Variants in NR5A2 observed in about 807,000 individuals in gnomAD.
The protein encoded by NR5A2 is nuclear receptor subfamily 5 group A member 2.
In NR5A2, 26 loss-of-function variants were observed where a neutral mutation model predicts 62.7. The ratio of observed to expected loss-of-function variants is 0.41; its 90% CI spans 0.30 to 0.58. The LOEUF is 0.58. Among genes scored for constraint, NR5A2 ranks in the 20% least tolerant of loss-of-function variants. NR5A2 has a pLI of 0.22. For synonymous variants in NR5A2, 246 were observed against 241.7 expected, an observed-to-expected ratio of 1.02 and a Z score of -0.16; for missense variants, 541 against 669.1, an observed-to-expected ratio of 0.81 and a Z score of 2.11.
chr1:200,104,134 T>C (rs1165263713), intron 5 of NR5A2, among the ~76,000 whole-genome samples: 6 of 152,184 alleles, frequency 3.9e-5, no homozygotes, highest in African/African-American at 1.2e-4. Context: ...TAGGACTTTG[T>C]ATTATGGAAC....
At chr1:200,156,900 C>T (rs1378573469) in intron 7 of NR5A2, among the ~76,000 whole-genome samples, 2 of 152,172 alleles carry the variant, frequency 1.3e-5, no homozygotes, top group African/African-American at 2.4e-5. Flanking sequence ...ATATTTTCAA[C>T]TTACGATGGG....
chr1:200,144,645 A>G (rs1011365687), intron 7 of NR5A2, among the ~76,000 whole-genome samples: 1 of 152,200 alleles, frequency 6.6e-6, no homozygotes, highest in Non-Finnish European at 1.5e-5. Context: ...CATCTTACCC[A>G]GTCTCAAACA....
At chr1:200,044,549 T>A (rs1422115964) in intron 3 of NR5A2, 1 of 152,110 alleles carries the variant, frequency 6.6e-6, no homozygotes, top group East Asian at 1.9e-4. Flanking sequence ...CAGGACTTTT[T>A]AATACATTCC....
intron 7 of NR5A2, among the ~76,000 whole-genome samples, chr1:200,161,557 T>C (rs575514235): frequency 1.5e-4 from 23 of 152,322 alleles, no homozygotes; most frequent in East Asian, 1.2e-3. Context: ...ACAGGCTTCC[T>C]GAAAATACTC....
chr1:200,029,756 T>G (rs940868762), intron 1 of NR5A2: 1 of 152,238 alleles, frequency 6.6e-6, no homozygotes, highest in Non-Finnish European at 1.5e-5. Flanking sequence ...CAGGATCTTG[T>G]TCGCAGCCAC....
At chr1:200,170,575 C>T (rs1053204850) in intron 7 of NR5A2, among the ~76,000 whole-genome samples, 2 of 152,136 alleles carry the variant, frequency 1.3e-5, no homozygotes, top group Admixed American at 1.3e-4. Flanking sequence ...TCCTTGTGAA[C>T]TATCTGTGAA....
chr1:200,029,033 A>C (rs1264847207), intron 1 of NR5A2: 1 of 442,100 alleles, frequency 2.3e-6, no homozygotes, highest in Non-Finnish European at 4.5e-6. Context: ...TGTTCTGCAG[A>C]TAACACAGAA....
chr1:200,153,321 A>T (rs1232032840), intron 7 of NR5A2, among the ~76,000 whole-genome samples: 7 of 152,208 alleles, frequency 4.6e-5, no homozygotes, highest in Non-Finnish European at 1.5e-5. Flanking sequence ...TTTTTCACAT[A>T]GTTAAAAAGA....
At chr1:200,113,661 A>G (rs1666067126) in intron 6 of NR5A2, among the ~76,000 whole-genome samples, 1 of 152,210 alleles carries the variant, frequency 6.6e-6, no homozygotes, top group Non-Finnish European at 1.5e-5. Flanking sequence ...AATGAGAACT[A>G]TTGTATCTCT....
In NR5A2 at chr1:200,135,144, CA is replaced by C. The variant is rs776468684; in HGVS notation, c.1378+14190del. ...ACACAGCTAGGCATCTGAGAGAGCC[CA>C]TGCTCCAAGCCAGGGCCACTGATTC... On this transcript the variant is annotated intron_variant, in intron 7 of 7. Coordinates refer to ENST00000367362, the MANE Select transcript of NR5A2 (RefSeq NM_205860.3). Among the ~76,000 whole-genome samples, 29 of 152,332 alleles carry C rather than the reference CA, an allele frequency of 1.9e-4. No homozygotes were observed. The Middle Eastern group carries it at 0.014, about 71-fold the overall frequency.
intron 1 of NR5A2, among the ~76,000 whole-genome samples, chr1:200,034,289 G>C (rs749956273): frequency 6.6e-6 from 1 of 152,106 alleles, no homozygotes; most frequent in African/African-American, 2.4e-5. Flanking sequence ...GTTTTGAACT[G>C]GAACTGGCTC....
chr1:200,143,514 A>C (rs1667536387), intron 7 of NR5A2, among the ~76,000 whole-genome samples: 1 of 151,260 alleles, frequency 6.6e-6, no homozygotes. Flanking sequence ...GCCCTGCGCC[A>C]TGCTTTACTT....
chr1:200,168,209 AC>A (rs769906803), intron 7 of NR5A2, among the ~76,000 whole-genome samples: 295 of 136,550 alleles, frequency 2.2e-3, no homozygotes, highest in Middle Eastern at 0.012. Flanking sequence ...CTTTATATCT[AC>A]TTTTTTTTTT....
chr1:200,134,445 T>C (rs539827142), intron 7 of NR5A2, among the ~76,000 whole-genome samples: 1 of 152,342 alleles, frequency 6.6e-6, no homozygotes, highest in Non-Finnish European at 1.5e-5. Flanking sequence ...ATTCACTGTG[T>C]TACAACTGCC....
chr1:200,039,841 C>T lies in NR5A2; in HGVS notation c.202+46C>T, dbSNP rs755956195. On this transcript the variant is annotated intron_variant, in intron 2 of 7. Coordinates refer to ENST00000367362, the MANE Select transcript of NR5A2 (RefSeq NM_205860.3). This position sits in a 1 kb window ranked among gnomAD's most constrained non-coding sequence, Gnocchi z 5.1. Reference sequence around the variant, plus strand: ...GCTCCGGCTCCCGCTGCTTCCCCACCCCCGGGCTCGCCCTGCAGGCTTCAG... The same window carrying T: ...GCTCCGGCTCCCGCTGCTTCCCCACTCCCGGGCTCGCCCTGCAGGCTTCAG... The T allele has an allele frequency of 1.9e-6, 3 of 1,567,826 alleles. No homozygotes were observed. The highest frequency in any genetic ancestry group is 2.6e-6 in the Non-Finnish European group (3 of 1,160,558).
chr1:200,088,757 G>C (rs564400342), intron 5 of NR5A2, among the ~76,000 whole-genome samples: 2 of 152,148 alleles, frequency 1.3e-5, no homozygotes, highest in Non-Finnish European at 2.9e-5. Flanking sequence ...CAATACTGTA[G>C]GACTGCAGTG....
chr1:200,082,463 G>A (rs575909119), intron 5 of NR5A2, among the ~76,000 whole-genome samples: 1 of 152,156 alleles, frequency 6.6e-6, no homozygotes, highest in Admixed American at 6.5e-5. Flanking sequence ...TCAATTATTT[G>A]GTTCACGTTT....
At chr1:200,146,280 T>C (rs552223870) in intron 7 of NR5A2, among the ~76,000 whole-genome samples, 1 of 152,336 alleles carries the variant, frequency 6.6e-6, no homozygotes, top group African/African-American at 2.4e-5. Context: ...GTGAATCTGA[T>C]CTGTCTACAG....
intron 5 of NR5A2, among the ~76,000 whole-genome samples, chr1:200,052,839 A>G (rs1446213992): frequency 2.0e-5 from 3 of 151,878 alleles, no homozygotes; most frequent in African/African-American, 7.3e-5. Context: ...ACGGTGTTTC[A>G]CCGTGTTAGC....
Sources: allele counts gnomAD v4.1 joint callset (sites outside exome capture counted in the v4.1 genomes callset), GRCh38; gene constraint gnomAD v4.1.1; non-coding constraint Gnocchi (gnomAD v3.1); transcripts MANE v1.5; gene names NCBI Gene and HGNC (gene_info 2026-07-23, HGNC 2026-07-21).